Variants in VWC2L observed in about 807,000 individuals in gnomAD.
VWC2L encodes the protein von Willebrand factor C domain containing 2 like.
In VWC2L, 10 loss-of-function variants were observed where a neutral mutation model predicts 21.6. That is an observed-to-expected ratio of 0.46 (90% CI 0.29 to 0.78). VWC2L has a LOEUF of 0.78. Among genes scored for constraint, VWC2L ranks in the 30% least tolerant of loss-of-function variants. VWC2L has a pLI of 0.10. For missense variants in VWC2L, 209 were observed against 277.1 expected, an observed-to-expected ratio of 0.75 and a Z score of 1.74; for synonymous variants, 96 against 94.3, an observed-to-expected ratio of 1.02 and a Z score of -0.10.
intron 3 of VWC2L, among the ~76,000 whole-genome samples, chr2:214,555,237 C>T (rs559651863): frequency 3.3e-5 from 5 of 152,246 alleles, no homozygotes; most frequent in African/African-American, 9.6e-5. Context: ...CAAGTTGTCC[C>T]GCCCTTACAG....
intron 3 of VWC2L, among the ~76,000 whole-genome samples, chr2:214,522,698 T>C (rs1163597787): frequency 1.3e-5 from 2 of 152,226 alleles, no homozygotes; most frequent in African/African-American, 4.8e-5. Flanking sequence ...TAAATTTGGA[T>C]AGATTTTTTA....
chr2:214,416,611 T>G, intron 2 of VWC2L, among the ~76,000 whole-genome samples: 1 of 152,022 alleles, frequency 6.6e-6, no homozygotes, highest in East Asian at 1.9e-4. Flanking sequence ...TTATCTTAAT[T>G]CTAAATGCTG....
chr2:214,515,246 C>T (rs889687653), intron 3 of VWC2L, among the ~76,000 whole-genome samples: 1 of 152,140 alleles, frequency 6.6e-6, no homozygotes, highest in Non-Finnish European at 1.5e-5. Flanking sequence ...CTCGAACATC[C>T]CTGCTGGTTT....
intron 3 of VWC2L, among the ~76,000 whole-genome samples, chr2:214,507,325 C>T (rs1688980984): frequency 6.6e-6 from 1 of 152,016 alleles, no homozygotes; most frequent in Non-Finnish European, 1.5e-5. Context: ...ATCTGAAGTC[C>T]TTTATATTTT....
At chr2:214,486,693 A>C (rs1202295053) in intron 3 of VWC2L, among the ~76,000 whole-genome samples, 2 of 151,882 alleles carry the variant, frequency 1.3e-5, no homozygotes, top group African/African-American at 2.4e-5. Flanking sequence ...GATGTTCTTT[A>C]TTTATTTTTT....
intron 3 of VWC2L, among the ~76,000 whole-genome samples, chr2:214,471,316 A>C (rs1703306850): frequency 6.6e-6 from 1 of 152,250 alleles, no homozygotes; most frequent in African/African-American, 2.4e-5. Flanking sequence ...GGCAATTCAT[A>C]GAAACTCATC....
intron 2 of VWC2L, among the ~76,000 whole-genome samples, chr2:214,425,518 A>T (rs991682751): frequency 6.6e-6 from 1 of 152,154 alleles, no homozygotes; most frequent in Admixed American, 6.5e-5. Context: ...ATAAAGATTA[A>T]TTTTTTATCT....
chr2:214,551,929 TAGC>T (rs1689801237), intron 3 of VWC2L, among the ~76,000 whole-genome samples: 1 of 152,242 alleles, frequency 6.6e-6, no homozygotes, highest in South Asian at 2.1e-4. Flanking sequence ...TAAAATGAAA[TAGC>T]ATCATTTTAA....
intron 3 of VWC2L, among the ~76,000 whole-genome samples, chr2:214,570,875 C>T (rs1000875290): frequency 6.6e-6 from 1 of 152,094 alleles, no homozygotes; most frequent in Non-Finnish European, 1.5e-5. Context: ...GTCATAGAAC[C>T]TCCCAGGTCT....
intron 3 of VWC2L, among the ~76,000 whole-genome samples, chr2:214,496,883 G>T (rs1688820424): frequency 6.6e-6 from 1 of 152,152 alleles, no homozygotes; most frequent in South Asian, 2.1e-4. Flanking sequence ...AATCAGAAAT[G>T]GAGGTGTATT....
chr2:214,451,039 C>T (rs13385516), intron 3 of VWC2L, among the ~76,000 whole-genome samples: 24,190 of 151,956 alleles, frequency 0.16, 2,019 homozygotes, highest in East Asian at 0.25. Flanking sequence ...AATTTCAAAG[C>T]CTGCGTTCTT....
At chr2:214,490,393 T>G (rs1688729868) in intron 3 of VWC2L, among the ~76,000 whole-genome samples, 1 of 138,234 alleles carries the variant, frequency 7.2e-6, no homozygotes, top group Non-Finnish European at 1.6e-5. Context: ...GTAGATCATA[T>G]GTCTACCCTC....
intron 3 of VWC2L, among the ~76,000 whole-genome samples, chr2:214,520,421 A>C (rs1304545464): frequency 6.6e-6 from 1 of 152,186 alleles, no homozygotes; most frequent in Non-Finnish European, 1.5e-5. Flanking sequence ...TATGGTGGAC[A>C]GTAATAATTT....
At chr2:214,547,667 A>C (rs1193346274) in intron 3 of VWC2L, among the ~76,000 whole-genome samples, 2 of 152,220 alleles carry the variant, frequency 1.3e-5, no homozygotes, top group African/African-American at 4.8e-5. Flanking sequence ...TTTCTCCCTC[A>C]GTGACAGGAT....
chr2:214,511,798 T>A (rs974832135), intron 3 of VWC2L, among the ~76,000 whole-genome samples: 1 of 150,346 alleles, frequency 6.7e-6, no homozygotes, highest in African/African-American at 2.4e-5. Context: ...GAAAGTTGAA[T>A]TGGATGAAAT....
intron 3 of VWC2L, among the ~76,000 whole-genome samples, chr2:214,538,750 A>G (rs1183811140): frequency 1.3e-5 from 2 of 151,990 alleles, no homozygotes; most frequent in African/African-American, 2.4e-5. Context: ...AAGTTCATTC[A>G]TAAAATATCT....
intron 3 of VWC2L, among the ~76,000 whole-genome samples, chr2:214,499,118 A>C (rs551477660): frequency 2.5e-3 from 372 of 147,194 alleles, no homozygotes; most frequent in Middle Eastern, 7.1e-3. Flanking sequence ...TCCCAGGTTC[A>C]AGCAATTCTC....
chr2:214,470,482 A>C (rs981272939), intron 3 of VWC2L, among the ~76,000 whole-genome samples: 3 of 152,162 alleles, frequency 2.0e-5, no homozygotes, highest in African/African-American at 7.2e-5. Context: ...TTGAGTGCCA[A>C]CCAAATGATT....
intron 3 of VWC2L, among the ~76,000 whole-genome samples, chr2:214,497,886 G>A (rs1688833898): frequency 2.0e-5 from 3 of 152,304 alleles, no homozygotes; most frequent in South Asian, 4.1e-4. Context: ...TGTTAAATCT[G>A]TAGTATATGT....
Sources: gnomAD v4.1 joint callset for allele counts (sites outside exome capture counted in the v4.1 genomes callset) on GRCh38, gnomAD v4.1.1 for gene constraint, MANE v1.5 for transcripts, NCBI Gene and HGNC (gene_info 2026-07-23, HGNC 2026-07-21) for gene names.